WWOX: variants seen among roughly 807,000 people sequenced by gnomAD.
The protein encoded by WWOX is WW domain containing oxidoreductase.
Under a neutral mutation model 46.2 loss-of-function variants are expected in WWOX, and 69 were observed. The observed-to-expected ratio is 1.49, with a 90% CI of 1.23 to 1.82. The LOEUF is 1.82. Ranked by LOEUF, WWOX falls within the 40% of genes most tolerant of loss-of-function variation. WWOX has a pLI of 0.00. For missense variants in WWOX, 919 were observed against 542.6 expected (o/e 1.69, Z -6.89); for synonymous variants, 359 against 202.6 (o/e 1.77, Z -6.56).
At chr16:79,186,058 T>C (rs2051008309) in intron 8 of WWOX, among the ~76,000 whole-genome samples, 1 of 152,122 alleles carries the variant, frequency 6.6e-6, no homozygotes, top group Admixed American at 6.6e-5. Context: ...ATGGCCTGTA[T>C]TGTCAAAAAA....
At chr16:78,131,876 G>A (rs2033608059) in intron 4 of WWOX, among the ~76,000 whole-genome samples, 2 of 151,420 alleles carry the variant, frequency 1.3e-5, no homozygotes, top group South Asian at 4.2e-4. Flanking sequence ...GAGCCACCGC[G>A]CCTGGCAAGG....
At chr16:78,392,680 G>T (rs561107893) in intron 6 of WWOX, among the ~76,000 whole-genome samples, 3 of 152,098 alleles carry the variant, frequency 2.0e-5, no homozygotes, top group African/African-American at 7.2e-5. Context: ...TGAGTTTCCT[G>T]TGAAAGGGTA....
At chr16:78,816,148 T>G (rs1329511724) in intron 8 of WWOX, among the ~76,000 whole-genome samples, 1 of 152,200 alleles carries the variant, frequency 6.6e-6, no homozygotes, top group Non-Finnish European at 1.5e-5. Flanking sequence ...GTATCTGTTG[T>G]TTAAACTAAA....
intron 5 of WWOX, among the ~76,000 whole-genome samples, chr16:78,248,651 G>T (rs1234649264): frequency 6.6e-6 from 1 of 152,058 alleles, no homozygotes; most frequent in Non-Finnish European, 1.5e-5. Context: ...CAGGAGAATT[G>T]CTTGAACCCG....
intron 8 of WWOX, among the ~76,000 whole-genome samples, chr16:78,706,561 A>G (rs1280992330): frequency 6.6e-6 from 1 of 152,170 alleles, no homozygotes. Flanking sequence ...AGGCAGGAAC[A>G]AGAGAGCTCA....
At chr16:78,715,347 T>A (rs1251413322) in intron 8 of WWOX, among the ~76,000 whole-genome samples, 1 of 152,164 alleles carries the variant, frequency 6.6e-6, no homozygotes, top group Non-Finnish European at 1.5e-5. Context: ...AAGTTCTTCA[T>A]CCCCAGCTTT....
chr16:79,212,106 C>CTTTCT lies in WWOX; in HGVS notation c.*314_*318dup, dbSNP rs756118720. On this transcript the variant is annotated 3_prime_UTR_variant, in exon 9 of 9. Transcript: ENST00000566780. ...TCCCTGGAGAAGCACCAGCAATTCT[C>CTTTCT]TTTCTTTTACTGTTATAGAATAGCC... 3.3e-6 allele frequency: 5 copies of CTTTCT among 1,535,846 alleles called. No individual in the cohort carries two copies. Among genetic ancestry groups the CTTTCT allele is most frequent in the East Asian group, 2.4e-5 (1 of 40,926 alleles).
chr16:78,452,537 C>A (rs117232044), intron 8 of WWOX, among the ~76,000 whole-genome samples: 1 of 141,144 alleles, frequency 7.1e-6, no homozygotes, highest in Non-Finnish European at 1.5e-5. Context: ...AGTGCAGTGG[C>A]GGATCTTGGC....
chr16:78,252,854 A>G (rs2038020629), intron 5 of WWOX, among the ~76,000 whole-genome samples: 1 of 152,240 alleles, frequency 6.6e-6, no homozygotes, highest in Admixed American at 6.5e-5. Context: ...GCATTGAATT[A>G]TGCATGCATT....
At chr16:78,855,758 C>T (rs933136710) in intron 8 of WWOX, among the ~76,000 whole-genome samples, 1 of 152,198 alleles carries the variant, frequency 6.6e-6, no homozygotes, top group Non-Finnish European at 1.5e-5. Context: ...TCTGTGTTTG[C>T]TTCCCTCATG....
intron 8 of WWOX, among the ~76,000 whole-genome samples, chr16:78,472,881 T>A (rs2084260465): frequency 2.0e-5 from 3 of 149,614 alleles, no homozygotes; most frequent in Admixed American, 1.3e-4. Context: ...AAATCTTAGA[T>A]CAAGATGGGA....
chr16:78,916,559 C>T (rs1394567), intron 8 of WWOX, among the ~76,000 whole-genome samples: 139,431 of 152,200 alleles, frequency 0.92, 64,797 homozygotes, highest in Non-Finnish European at 0.99. Context: ...TTGAATACTT[C>T]TGAGAGAGAA....
At chr16:79,032,837 G>A (rs1207577314) in intron 8 of WWOX, among the ~76,000 whole-genome samples, 2 of 151,234 alleles carry the variant, frequency 1.3e-5, no homozygotes, top group East Asian at 3.9e-4. Context: ...GCGTGATGGG[G>A]GTTTGTTGTA....
chr16:78,735,747 A>T (rs776670430), intron 8 of WWOX, among the ~76,000 whole-genome samples: 2 of 151,636 alleles, frequency 1.3e-5, no homozygotes, highest in Non-Finnish European at 2.9e-5. Context: ...ATGGACTCTA[A>T]CTTTAGAATG....
intron 5 of WWOX, among the ~76,000 whole-genome samples, chr16:78,209,002 T>C (rs1447971095): frequency 2.0e-5 from 3 of 152,128 alleles, no homozygotes; most frequent in Non-Finnish European, 4.4e-5. Flanking sequence ...AAAATGTGGG[T>C]GGTTTTGTCA....
chr16:79,040,621 A>G (rs2047952796), intron 8 of WWOX, among the ~76,000 whole-genome samples: 1 of 152,012 alleles, frequency 6.6e-6, no homozygotes, highest in South Asian at 2.1e-4. Context: ...TCTCAGGAAA[A>G]TCATGACTGT....
At chr16:78,306,801 C>T (rs1200744938) in intron 5 of WWOX, among the ~76,000 whole-genome samples, 1 of 151,888 alleles carries the variant, frequency 6.6e-6, no homozygotes, top group African/African-American at 2.4e-5. Context: ...CCCACTGAGT[C>T]CCATTCCTTC....
At chr16:78,887,195 A>T (rs1028639539) in intron 8 of WWOX, among the ~76,000 whole-genome samples, 5 of 150,762 alleles carry the variant, frequency 3.3e-5, no homozygotes, top group East Asian at 3.9e-4. Flanking sequence ...ACTGAACTAG[A>T]CTGTATGTCA....
At chr16:78,915,497 A>G (rs1454151708) in intron 8 of WWOX, among the ~76,000 whole-genome samples, 1 of 152,210 alleles carries the variant, frequency 6.6e-6, no homozygotes, top group African/African-American at 2.4e-5. Flanking sequence ...CAATGAGCCT[A>G]CACAGAATGT....
Sources: allele counts gnomAD v4.1 joint callset (sites outside exome capture counted in the v4.1 genomes callset), GRCh38; gene constraint gnomAD v4.1.1; transcripts MANE v1.5; gene names NCBI Gene and HGNC (gene_info 2026-07-23, HGNC 2026-07-21).